Variants in CFAP74 observed in about 807,000 individuals in gnomAD.
CFAP74 encodes cilia- and flagella-associated protein 74.
Under a neutral mutation model 188.9 loss-of-function variants are expected in CFAP74, and 124 were observed. The observed-to-expected ratio is 0.66, with a 90% CI of 0.57 to 0.76. The LOEUF is 0.76. Among genes scored for constraint, CFAP74 ranks in the 30% least tolerant of loss-of-function variants. CFAP74 has a pLI of 0.00. For missense variants in CFAP74, 2,198 were observed against 2,165.2 expected (o/e 1.02, Z -0.30); for synonymous variants, 956 against 916.7 (o/e 1.04, Z -0.77).
At chr1:1,985,066 C>T (rs1220626518) in intron 6 of CFAP74, 6 of 282,410 alleles carry the variant, frequency 2.1e-5, no homozygotes, top group Admixed American at 4.3e-5. Flanking sequence ...GCATTTAGGA[C>T]GAGGCAGCTG....
Position 1,975,373 on chromosome 1 carries a change from T to C in CFAP74, c.501-1175A>G, listed in dbSNP as rs1656373782. The stretch of plus-strand genomic sequence containing the variant: ...AACGTTGAGCCTTTTTCGGGGCTCC[T>C]AGGATATAAACTCCAACTTGGCAAG... On this transcript the variant is annotated intron_variant, in intron 6 of 38. Coordinates refer to ENST00000682832, the MANE Select transcript of CFAP74 (RefSeq NM_001304360.2). This position sits in a 1 kb window ranked among gnomAD's most constrained non-coding sequence, Gnocchi z 4.5. Among the ~76,000 whole-genome samples, 1 of 152,210 alleles carries C rather than the reference T, an allele frequency of 6.6e-6. No individual in the cohort carries two copies. Among genetic ancestry groups the C allele is most frequent in the Non-Finnish European group, 1.5e-5 (1 of 68,030 alleles).
At chr1:1,969,850 T>C (rs1165947807) in intron 10 of CFAP74, among the ~76,000 whole-genome samples, 1 of 152,124 alleles carries the variant, frequency 6.6e-6, no homozygotes, top group African/African-American at 2.4e-5. Context: ...CCCAGGCAGA[T>C]CCTAAGCAGT....
At chr1:1,956,016 G>C (rs897584226) in intron 17 of CFAP74, among the ~76,000 whole-genome samples, 166 bp from the exon 18 acceptor site, 1 of 152,240 alleles carries the variant, frequency 6.6e-6, no homozygotes, top group Non-Finnish European at 1.5e-5. Context: ...ACCCATCCTG[G>C]TTGTGGGATC....
In CFAP74 at chr1:1,955,262, C is replaced by CAGGGCAGGAGGCATGGGG. The variant is rs1449272566; in HGVS notation, c.2176+411_2176+428dup. 45 of 1,293,298 alleles carry CAGGGCAGGAGGCATGGGG rather than the reference C, an allele frequency of 3.5e-5. No homozygotes were observed. The East Asian group carries it at 1.9e-3, about 54-fold the overall frequency. The allele number at this position is 1,293,298 out of a possible 1,614,324, so 80.1% of individuals were successfully genotyped here. A position where few individuals can be genotyped will look rare whatever the true frequency, so the allele number is the denominator to read the frequency against. On this transcript the variant is annotated intron_variant, in intron 18 of 38. Coordinates refer to ENST00000682832, the MANE Select transcript of CFAP74 (RefSeq NM_001304360.2). ...AGCGATTCCCGATGGCGGCGGGCTG[C>CAGGGCAGGAGGCATGGGG]AGGGCAGGAGGCATGGGGAGGGCAG...
At position 1,959,954 on chromosome 1, in the gene CFAP74, T is replaced by C. The variant is rs1654954331; in HGVS notation, c.1761+10A>G. On this transcript the variant is annotated intron_variant, in intron 15 of 38. Coordinates refer to ENST00000682832, the MANE Select transcript of CFAP74 (RefSeq NM_001304360.2). ...TCCCCTTCGAGAGAGAACGGGCCCC[T>C]CTGACTCACCATCGGCTTGAAGGTG... 1.9e-6 allele frequency: 3 copies of C among 1,584,806 alleles called. No individual in the cohort carries two copies. The highest frequency in any genetic ancestry group is 2.4e-5 in the East Asian group (1 of 41,392).
intron 20 of CFAP74, among the ~76,000 whole-genome samples, chr1:1,944,732 A>G (rs1053206194): frequency 6.6e-6 from 1 of 151,902 alleles, no homozygotes; most frequent in Non-Finnish European, 1.5e-5. Flanking sequence ...TTGGCCTCCC[A>G]AGTAGCTGGG....
chr1:1,924,102 A>AC (rs1246143908), intron 34 of CFAP74, among the ~76,000 whole-genome samples, 173 bp from the exon 35 acceptor site: 10 of 37,604 alleles, frequency 2.7e-4, no homozygotes, highest in East Asian at 1.7e-3. Flanking sequence ...CCAAGCGCCC[A>AC]CCCCCCCCAT....
intron 12 of CFAP74, 52 bp from the exon 13 acceptor site, chr1:1,965,113 G>A (rs1215295951): frequency 7.0e-6 from 11 of 1,564,066 alleles, no homozygotes; most frequent in Non-Finnish European, 6.1e-6. Flanking sequence ...CACCTGGGCG[G>A]CGCCGGTGGC....
In CFAP74 at chr1:1,979,463, G is replaced by A. The variant is rs528422047; in HGVS notation, c.501-5265C>T. 6.2e-4 allele frequency among the ~76,000 whole-genome samples: 83 copies of A among 133,762 alleles called. 5 individuals carry two copies. The highest frequency in any genetic ancestry group is 1.1e-3 in the Non-Finnish European group (65 of 59,732). 87.8% of individuals were successfully genotyped at this position (133,762 alleles called of 152,430 possible). ...TGGGAAGGCGTCACGTGATGAAGCT[G>A]CACAGAACACGCGTGTGGTACTGAG... On this transcript the variant is annotated intron_variant, in intron 6 of 38. Coordinates refer to ENST00000682832, the MANE Select transcript of CFAP74 (RefSeq NM_001304360.2).
At chr1:1,963,485 G>A (rs1322049620) in intron 14 of CFAP74, among the ~76,000 whole-genome samples, 4 of 123,134 alleles carry the variant, frequency 3.2e-5, no homozygotes, top group Non-Finnish European at 5.1e-5. Flanking sequence ...AAAAAAAAAG[G>A]CAGCAAAACA....
chr1:1,927,575 G>A (rs558078528), intron 28 of CFAP74, 32 bp downstream of exon 28: 53 of 1,540,134 alleles, frequency 3.4e-5, no homozygotes, highest in Non-Finnish European at 4.4e-5. Flanking sequence ...GGCCTGGAGG[G>A]AAGCAGGTGG....
chr1:1,938,205 TCA>T (rs1180179364), intron 25 of CFAP74, among the ~76,000 whole-genome samples: 22 of 124,736 alleles, frequency 1.8e-4, no homozygotes, highest in African/African-American at 4.5e-4. Context: ...AGTCACATGC[TCA>T]CACATACATG....
rs1656214650 is a variant in CFAP74 at position 1,973,249 on chromosome 1, C to T, written c.675-202G>A. Among the ~76,000 whole-genome samples, 1 of 152,222 alleles carries T rather than the reference C, an allele frequency of 6.6e-6. No homozygotes were observed. The highest frequency in any genetic ancestry group is 1.5e-5 in the Non-Finnish European group (1 of 68,042). On this transcript the variant is annotated intron_variant, in intron 7 of 38. Coordinates refer to ENST00000682832, the MANE Select transcript of CFAP74 (RefSeq NM_001304360.2). This position sits in a 1 kb window ranked among gnomAD's most constrained non-coding sequence, Gnocchi z 6.2. ...CCACACAGATGTCAAACTCTCCACG[C>T]TACTGGGGCTCCAGTGCCAGGGAGC...
intron 22 of CFAP74, among the ~76,000 whole-genome samples, chr1:1,940,805 CGTT>C (rs1251048253): frequency 2.0e-5 from 3 of 152,140 alleles, no homozygotes; most frequent in Non-Finnish European, 4.4e-5. Context: ...CATAAGTTAA[CGTT>C]GTTAAAGAAC....
intron 32 of CFAP74, 64 bp downstream of exon 32, chr1:1,926,164 G>A (rs1362569785): frequency 4.8e-6 from 7 of 1,459,168 alleles, no homozygotes; most frequent in Non-Finnish European, 6.3e-6. Flanking sequence ...CCCGGCCAGT[G>A]CCTTTGTTCT....
At position 1,926,261 on chromosome 1, in the gene CFAP74, C is replaced by G. The variant is rs1053104786; in HGVS notation, c.3915G>C (p.Leu1305=). Residue 1305 remains leucine (L), a synonymous_variant, in exon 32 of 39, where the codon CTG becomes CTC. Coordinates refer to ENST00000682832, the MANE Select transcript of CFAP74 (RefSeq NM_001304360.2). ...SLLRAGGTQV[L]VLSFSPHESI... ...TCTCGTGGGGAGAGAAGGAAAGCAC[C>G]AGGACCTGGGTCCCACCTGCACGCA... is the stretch of plus-strand genomic sequence containing the variant. 1 of 1,532,610 alleles carries G rather than the reference C, an allele frequency of 6.5e-7. No homozygotes were observed. Among genetic ancestry groups the G allele is most frequent in the Non-Finnish European group, 8.8e-7 (1 of 1,137,048 alleles). The allele number at this position is 1,532,610 out of a possible 1,614,324, so 94.9% of individuals were successfully genotyped here. A position where few individuals can be genotyped will look rare whatever the true frequency, so the allele number is the denominator to read the frequency against.
In CFAP74 at chr1:1,923,166, G is replaced by A. The variant is rs895919142; in HGVS notation, c.4523-21C>T. The A allele has an allele frequency of 3.1e-6, 5 of 1,595,338 alleles. No homozygotes were observed. The highest frequency in any genetic ancestry group is 2.3e-5 in the East Asian group (1 of 44,444). ...GCTGGCTGGAGGGGTGTGGCCAGGGGAGCTGTTCAGGGTCAGGCTGAGGCA... is the reference window on the plus strand; with the variant it reads ...GCTGGCTGGAGGGGTGTGGCCAGGGAAGCTGTTCAGGGTCAGGCTGAGGCA... On this transcript the variant is annotated intron_variant, in intron 36 of 38. Transcript: ENST00000682832. This position sits in a 1 kb window ranked among gnomAD's most constrained non-coding sequence, Gnocchi z 6.3.
At chr1:1,988,707 C>A in intron 3 of CFAP74, 52 bp from the exon 4 acceptor site, 1 of 1,595,590 alleles carries the variant, frequency 6.3e-7, no homozygotes, top group Non-Finnish European at 8.5e-7. Context: ...AGGCTCAGAA[C>A]TCATTCCTCG....
chr1:1,923,372 C>T lies in CFAP74; in HGVS notation c.4517G>A (p.Arg1506Lys). 1 of 1,571,190 alleles carries T rather than the reference C, an allele frequency of 6.4e-7. No homozygotes were observed. The highest frequency in any genetic ancestry group is 8.6e-7 in the Non-Finnish European group (1 of 1,158,502). Residue 1506 changes from arginine to lysine, a missense_variant, in exon 36 of 39, where the codon AGA becomes AAA. By Grantham distance (26) the Arg-to-Lys change is conservative. Transcript: ENST00000682832. This position sits in a 1 kb window ranked among gnomAD's most constrained non-coding sequence, Gnocchi z 6.3. Reference protein sequence around the residue: ...TAIPVFDPRHREASSRPGPLS... With the variant: ...TAIPVFDPRHKEASSRPGPLS... ...CTCCCTGGGGAGGGGCTCACCCTCT[C>T]TGTGCCTGGGGTCAAATACAGGGAT... is the stretch of plus-strand genomic sequence containing the variant.
Sources: gnomAD v4.1 joint callset for allele counts (sites outside exome capture counted in the v4.1 genomes callset) on GRCh38, gnomAD v4.1.1 for gene constraint, Gnocchi (gnomAD v3.1) non-coding constraint, MANE v1.5 for transcripts, NCBI Gene and HGNC (gene_info 2026-07-23, HGNC 2026-07-21) for gene names.